The following RGS6 variants were observed in gnomAD, a reference collection of about 807,000 sequenced individuals.
RGS6 encodes the protein regulator of G-protein signaling 6.
Under a neutral mutation model 78.5 loss-of-function variants are expected in RGS6, and 30 were observed. That is an observed-to-expected ratio of 0.38 (90% CI 0.29 to 0.52). RGS6 has a LOEUF of 0.52. Among genes scored for constraint, RGS6 ranks in the 20% least tolerant of loss-of-function variants. The probability of loss-of-function intolerance (pLI) is 0.85; values close to 1 mark genes in which losing one functional copy is unlikely to be tolerated. For missense variants in RGS6, 495 were observed against 609.7 expected, an observed-to-expected ratio of 0.81 and a Z score of 1.98; for synonymous variants, 206 against 206.0, an observed-to-expected ratio of 1.00 and a Z score of 0.00.
intron 2 of RGS6, among the ~76,000 whole-genome samples, chr14:72,310,574 T>C (rs1254162643): frequency 6.6e-6 from 1 of 152,248 alleles, no homozygotes; most frequent in Non-Finnish European, 1.5e-5. Context: ...ATTTTTCTAA[T>C]TGTTACTTAA....
chr14:72,096,386 G>A (rs2095408559), intron 2 of RGS6, among the ~76,000 whole-genome samples: 1 of 152,124 alleles, frequency 6.6e-6, no homozygotes, highest in Non-Finnish European at 1.5e-5. Flanking sequence ...ATTATCTTTA[G>A]GTGATCATGG....
chr14:72,375,249 T>C (rs1181446366), intron 3 of RGS6, among the ~76,000 whole-genome samples: 1 of 152,224 alleles, frequency 6.6e-6, no homozygotes, highest in Non-Finnish European at 1.5e-5. Context: ...ACAGTTTTTC[T>C]GAGTGGATTA....
At chr14:72,304,446 T>C (rs1277090997) in intron 2 of RGS6, among the ~76,000 whole-genome samples, 1 of 152,250 alleles carries the variant, frequency 6.6e-6, no homozygotes, top group East Asian at 1.9e-4. Context: ...TGGTAGACAC[T>C]GGGTTTTTAC....
At chr14:71,897,016 T>C in the RGS6 span, among the ~76,000 whole-genome samples, 1 of 152,228 alleles carries the variant, frequency 6.6e-6, no homozygotes, top group Non-Finnish European at 1.5e-5. Flanking sequence ...TTCTTCTCCC[T>C]TGTTGCACTT....
chr14:72,419,321 T>C (rs1362078225), intron 3 of RGS6, among the ~76,000 whole-genome samples: 1 of 152,262 alleles, frequency 6.6e-6, no homozygotes, highest in African/African-American at 2.4e-5. Flanking sequence ...AAGAGAATAC[T>C]GTCATTATCT....
At chr14:72,162,851 AT>A in intron 2 of RGS6, among the ~76,000 whole-genome samples, 1 of 152,272 alleles carries the variant, frequency 6.6e-6, no homozygotes, top group East Asian at 1.9e-4. Flanking sequence ...TATATATATG[AT>A]GGAACACCAC....
intron 12 of RGS6, among the ~76,000 whole-genome samples, chr14:72,484,693 C>G (rs1249662080): frequency 6.6e-6 from 1 of 152,178 alleles, no homozygotes; most frequent in Non-Finnish European, 1.5e-5. Context: ...TCCTTCCCCT[C>G]CATGTTTATC....
chr14:72,419,482 C>A (rs964726507), intron 3 of RGS6, among the ~76,000 whole-genome samples: 1 of 152,172 alleles, frequency 6.6e-6, no homozygotes, highest in East Asian at 1.9e-4. Flanking sequence ...AGAGACAGTG[C>A]GGGTATACCA....
the RGS6 span, among the ~76,000 whole-genome samples, chr14:71,904,192 C>T: frequency 1.6e-4 from 25 of 152,140 alleles, no homozygotes; most frequent in Non-Finnish European, 3.1e-4. Context: ...CTCAGGAAAA[C>T]ATCTCCCCTT....
the RGS6 span, among the ~76,000 whole-genome samples, chr14:71,872,362 C>T: frequency 1.2e-3 from 177 of 151,878 alleles, no homozygotes; most frequent in African/African-American, 4.0e-3. Context: ...CATGGCGGGA[C>T]TCTGATCAGG....
chr14:72,452,519 C>A (rs182420165), intron 3 of RGS6, among the ~76,000 whole-genome samples: 2 of 152,272 alleles, frequency 1.3e-5, no homozygotes, highest in East Asian at 1.9e-4. Context: ...TGTACCAGTC[C>A]CACTTCTGGC....
chr14:72,410,214 C>T (rs2093303035), intron 3 of RGS6, among the ~76,000 whole-genome samples: 1 of 152,230 alleles, frequency 6.6e-6, no homozygotes, highest in South Asian at 2.1e-4. Context: ...TCCACATCCT[C>T]TCCAGCACCT....
chr14:72,545,617 C>G (rs1226529028), intron 17 of RGS6, among the ~76,000 whole-genome samples: 1 of 152,130 alleles, frequency 6.6e-6, no homozygotes, highest in Non-Finnish European at 1.5e-5. Context: ...TGTCTTCTTG[C>G]CCAGTTAGTT....
At chr14:72,090,650 T>C (rs965146181) in intron 2 of RGS6, among the ~76,000 whole-genome samples, 2 of 152,100 alleles carry the variant, frequency 1.3e-5, no homozygotes, top group African/African-American at 4.8e-5. Context: ...GCCAAAAAGG[T>C]TGGAGACTGC....
intron 7 of RGS6, among the ~76,000 whole-genome samples, chr14:72,466,638 C>T (rs2095921539): frequency 6.6e-6 from 1 of 152,154 alleles, no homozygotes; most frequent in South Asian, 2.1e-4. Context: ...AATCTCAGGC[C>T]AGCCATTCCA....
intron 2 of RGS6, among the ~76,000 whole-genome samples, chr14:72,270,132 C>T (rs1419988068): frequency 6.6e-6 from 1 of 152,134 alleles, no homozygotes; most frequent in Non-Finnish European, 1.5e-5. Flanking sequence ...GTAGAGGAGA[C>T]CTTGACAAAT....
intron 13 of RGS6, among the ~76,000 whole-genome samples, chr14:72,496,795 A>G (rs2096650585): frequency 6.6e-6 from 1 of 152,338 alleles, no homozygotes; most frequent in African/African-American, 2.4e-5. Flanking sequence ...TTTTATGCAC[A>G]TATAACATTC....
intron 3 of RGS6, among the ~76,000 whole-genome samples, chr14:72,430,062 TA>T (rs1256321631): frequency 6.6e-6 from 1 of 152,196 alleles, no homozygotes; most frequent in Non-Finnish European, 1.5e-5. Context: ...TTTTCCTTTA[TA>T]AATTAACCAG....
chr14:72,170,590 T>C (rs571252791), intron 2 of RGS6, among the ~76,000 whole-genome samples: 2 of 152,366 alleles, frequency 1.3e-5, no homozygotes, highest in East Asian at 1.9e-4. Flanking sequence ...CATTATCTTA[T>C]TGTCATTTGG....
Sources: allele counts gnomAD v4.1 joint callset (sites outside exome capture counted in the v4.1 genomes callset), GRCh38; gene constraint gnomAD v4.1.1; transcripts MANE v1.5; gene names NCBI Gene and HGNC (gene_info 2026-07-23, HGNC 2026-07-21).